The following SRPK2 variants were observed in gnomAD, a reference collection of about 807,000 sequenced individuals.
SRPK2 encodes SFRS protein kinase 2.
SRPK2 carries 21 observed loss-of-function variants against 90.8 expected under a neutral mutation model. That is an observed-to-expected ratio of 0.23 (90% CI 0.16 to 0.33). The LOEUF (loss-of-function observed/expected upper bound fraction) is 0.33, where lower values mean the gene tolerates loss of function less well. Ranked by LOEUF, SRPK2 falls within the 10% of genes least tolerant of loss-of-function variation. The pLI, the probability that SRPK2 is intolerant of heterozygous loss-of-function variation, is 1.00. For synonymous variants in SRPK2, 288 were observed against 311.1 expected, an observed-to-expected ratio of 0.93 and a Z score of 0.78; for missense variants, 620 against 869.0, an observed-to-expected ratio of 0.71 and a Z score of 3.60.
intron 2 of SRPK2, among the ~76,000 whole-genome samples, chr7:105,293,491 C>T (rs1401282272): frequency 2.0e-5 from 3 of 151,968 alleles, no homozygotes; most frequent in South Asian, 2.1e-4. Context: ...AACCTTCCCC[C>T]TCCACCCCCC....
chr7:105,323,965 C>A (rs1017691454), intron 2 of SRPK2, among the ~76,000 whole-genome samples: 2 of 110,420 alleles, frequency 1.8e-5, no homozygotes, highest in Non-Finnish European at 3.7e-5. Context: ...TCAGACTATT[C>A]TTTGTGTGTG....
intron 2 of SRPK2, among the ~76,000 whole-genome samples, chr7:105,329,909 C>A (rs1814080557): frequency 6.6e-6 from 1 of 151,866 alleles, no homozygotes; most frequent in Non-Finnish European, 1.5e-5. Context: ...GCGGCACACA[C>A]CTCTAATCCC....
chr7:105,179,722 G>A (rs1290113092), intron 3 of SRPK2, among the ~76,000 whole-genome samples: 3 of 149,494 alleles, frequency 2.0e-5, no homozygotes, highest in South Asian at 2.1e-4. Context: ...CTACTGGGGA[G>A]GCTGAGGCAG....
downstream of SRPK2, among the ~76,000 whole-genome samples, chr7:105,114,863 C>G (rs1212845461): frequency 1.3e-5 from 2 of 152,116 alleles, no homozygotes; most frequent in Non-Finnish European, 2.9e-5. Context: ...ACATATAGGC[C>G]AAGTTTGCCA....
chr7:105,299,820 G>C (rs1277576468), intron 2 of SRPK2, among the ~76,000 whole-genome samples: 1 of 152,154 alleles, frequency 6.6e-6, no homozygotes. Flanking sequence ...CTTGAACCCA[G>C]GCGGCGTAAG....
intron 7 of SRPK2, among the ~76,000 whole-genome samples, chr7:105,154,845 T>G (rs1806262690): frequency 6.6e-6 from 1 of 151,782 alleles, no homozygotes; most frequent in Non-Finnish European, 1.5e-5. Context: ...CAGCTAATTT[T>G]TGTATTTTTA....
At chr7:105,289,410 C>A (rs1808648081) in intron 2 of SRPK2, among the ~76,000 whole-genome samples, 1 of 152,090 alleles carries the variant, frequency 6.6e-6, no homozygotes, top group African/African-American at 2.4e-5. Context: ...TCCAGACCAC[C>A]TCAATAAAGA....
chr7:105,121,298 T>C (rs536914059), intron 15 of SRPK2, among the ~76,000 whole-genome samples: 11 of 148,890 alleles, frequency 7.4e-5, no homozygotes, highest in South Asian at 2.1e-4. Context: ...TGAGCCAAGA[T>C]AGCATCACTA....
chr7:105,249,203 T>C (rs1420812767), intron 2 of SRPK2, among the ~76,000 whole-genome samples: 2 of 152,212 alleles, frequency 1.3e-5, no homozygotes, highest in African/African-American at 4.8e-5. Flanking sequence ...TATTATACTC[T>C]GAGGCATAGG....
At chr7:105,158,876 AT>A (rs974018831) in intron 7 of SRPK2, among the ~76,000 whole-genome samples, 2 of 146,096 alleles carry the variant, frequency 1.4e-5, no homozygotes, top group African/African-American at 5.1e-5. Context: ...CACTAGTCTT[AT>A]TTGGGGATCA....
intron 2 of SRPK2, among the ~76,000 whole-genome samples, chr7:105,225,109 T>C (rs1798558823): frequency 1.3e-5 from 2 of 152,152 alleles, no homozygotes; most frequent in Admixed American, 6.6e-5. Context: ...GGAGGATCAC[T>C]TGAGCCCAGG....
intron 2 of SRPK2, among the ~76,000 whole-genome samples, chr7:105,220,810 T>G (rs1002406394): frequency 1.3e-5 from 2 of 152,166 alleles, no homozygotes; most frequent in African/African-American, 4.8e-5. Context: ...CATCCCAGGA[T>G]GTGTCTCATT....
At chr7:105,360,143 T>A (rs193177288) in intron 2 of SRPK2, among the ~76,000 whole-genome samples, 1 of 152,322 alleles carries the variant, frequency 6.6e-6, no homozygotes, top group East Asian at 1.9e-4. Flanking sequence ...TGGCCTTCTT[T>A]GTCTCTCTTT....
chr7:105,328,661 G>A (rs1158394951), intron 2 of SRPK2, among the ~76,000 whole-genome samples: 4 of 151,016 alleles, frequency 2.6e-5, no homozygotes, highest in East Asian at 3.9e-4. Context: ...TCAGGAGATC[G>A]AGACCATCCT....
intron 2 of SRPK2, among the ~76,000 whole-genome samples, chr7:105,294,291 T>C (rs1028495503): frequency 6.6e-6 from 1 of 152,254 alleles, no homozygotes; most frequent in Non-Finnish European, 1.5e-5. Context: ...TTCAACATTT[T>C]GTATTCAAAT....
chr7:105,269,416 G>T (rs970183227), intron 2 of SRPK2, among the ~76,000 whole-genome samples: 1 of 152,100 alleles, frequency 6.6e-6, no homozygotes, highest in East Asian at 1.9e-4. Flanking sequence ...TTTCTTGATT[G>T]TGTTTAATTA....
chr7:105,144,692 A>T (rs1804301358), intron 9 of SRPK2, among the ~76,000 whole-genome samples: 3 of 152,202 alleles, frequency 2.0e-5, no homozygotes, highest in Admixed American at 2.0e-4. Context: ...TTTGAAATAA[A>T]AATACTTCAA....
intron 2 of SRPK2, among the ~76,000 whole-genome samples, chr7:105,286,999 C>T (rs935429557): frequency 1.9e-4 from 29 of 152,052 alleles, no homozygotes; most frequent in Non-Finnish European, 3.7e-4. Context: ...CGGTGGCTCA[C>T]GCCTGTAATC....
At chr7:105,251,181 C>G (rs1802435933) in intron 2 of SRPK2, among the ~76,000 whole-genome samples, 1 of 152,124 alleles carries the variant, frequency 6.6e-6, no homozygotes, top group Non-Finnish European at 1.5e-5. Flanking sequence ...ATCAATACAC[C>G]TTTTCCTTCA....
Sources: allele counts gnomAD v4.1 joint callset (sites outside exome capture counted in the v4.1 genomes callset), GRCh38; gene constraint gnomAD v4.1.1; transcripts MANE v1.5; gene names NCBI Gene and HGNC (gene_info 2026-07-23, HGNC 2026-07-21).